Variants in NCKAP5 observed in about 807,000 individuals in gnomAD.
NCKAP5 encodes NCK associated protein 5.
A neutral mutation model predicts 167.0 loss-of-function variants in NCKAP5; 92 were observed. That is an observed-to-expected ratio of 0.55 (90% CI 0.47 to 0.66). The LOEUF (loss-of-function observed/expected upper bound fraction) is 0.66. NCKAP5 is among the 30% of genes least tolerant of loss of function. The pLI, the probability that NCKAP5 is intolerant of heterozygous loss-of-function variation, is 0.00. For missense variants in NCKAP5, 2,378 were observed against 2,315.0 expected, an observed-to-expected ratio of 1.03 and a Z score of -0.56; for synonymous variants, 891 against 877.4, an observed-to-expected ratio of 1.02 and a Z score of -0.27.
chr2:133,031,421 A>AG (rs1387342155), intron 6 of NCKAP5, among the ~76,000 whole-genome samples: 3 of 152,198 alleles, frequency 2.0e-5, no homozygotes, highest in African/African-American at 7.2e-5. Context: ...CCTCAGCCAG[A>AG]GGGGAATCAC....
At chr2:132,730,236 G>A (rs1468316122) in intron 17 of NCKAP5, among the ~76,000 whole-genome samples, 1 of 152,196 alleles carries the variant, frequency 6.6e-6, no homozygotes, top group Admixed American at 6.5e-5. Context: ...GCTCATGACT[G>A]TAATCCCAGC....
intron 5 of NCKAP5, among the ~76,000 whole-genome samples, chr2:133,183,482 T>C (rs2084818466): frequency 6.6e-6 from 1 of 152,012 alleles, no homozygotes; most frequent in Admixed American, 6.6e-5. Flanking sequence ...AAAATCAACA[T>C]CAATTGATGT....
At chr2:133,546,802 C>T (rs573566917) in intron 2 of NCKAP5, among the ~76,000 whole-genome samples, 1 of 152,196 alleles carries the variant, frequency 6.6e-6, no homozygotes, top group Non-Finnish European at 1.5e-5. Context: ...ATTCTGCTAA[C>T]CTGGAATGCT....
intron 5 of NCKAP5, among the ~76,000 whole-genome samples, chr2:133,177,802 C>T (rs896303652): frequency 1.3e-5 from 2 of 152,130 alleles, no homozygotes; most frequent in Non-Finnish European, 2.9e-5. Context: ...TAAGTGGAGA[C>T]CACCTGGGAA....
the NCKAP5 span, among the ~76,000 whole-genome samples, chr2:133,632,426 A>G: frequency 6.6e-6 from 1 of 152,122 alleles, no homozygotes; most frequent in Non-Finnish European, 1.5e-5. Context: ...ATGCAGGGGG[A>G]AAAAAAGACT....
chr2:133,353,330 A>G (rs1684490821), intron 3 of NCKAP5, among the ~76,000 whole-genome samples: 2 of 152,182 alleles, frequency 1.3e-5, no homozygotes, highest in South Asian at 4.1e-4. Flanking sequence ...AAGGTACCTT[A>G]GAGACCCTCT....
intron 5 of NCKAP5, among the ~76,000 whole-genome samples, chr2:133,176,859 C>A (rs1164257152): frequency 6.6e-6 from 1 of 152,164 alleles, no homozygotes. Context: ...TATTCAGACT[C>A]CACCCCACTT....
chr2:133,307,233 G>C (rs1680842651), intron 3 of NCKAP5, among the ~76,000 whole-genome samples: 1 of 152,084 alleles, frequency 6.6e-6, no homozygotes, highest in Admixed American at 6.6e-5. Context: ...AACTTAATCT[G>C]TAACTAAATT....
intron 6 of NCKAP5, among the ~76,000 whole-genome samples, chr2:133,046,223 C>A (rs1021761902): frequency 2.0e-5 from 3 of 152,296 alleles, no homozygotes; most frequent in Middle Eastern, 3.4e-3. Context: ...AGTCTTCATA[C>A]AACATGCACA....
chr2:132,878,360 A>AT (rs35028550), intron 9 of NCKAP5, among the ~76,000 whole-genome samples: 33 of 151,510 alleles, frequency 2.2e-4, no homozygotes, highest in African/African-American at 5.8e-4. Context: ...GAATCTACTG[A>AT]TTTTTTTCCC....
At chr2:132,818,176 G>A (rs1686430741) in intron 11 of NCKAP5, among the ~76,000 whole-genome samples, 1 of 152,154 alleles carries the variant, frequency 6.6e-6, no homozygotes, top group African/African-American at 2.4e-5. Flanking sequence ...TCCAACTACT[G>A]GGCTCAAGCT....
At chr2:132,959,918 G>T (rs1204970159) in intron 8 of NCKAP5, among the ~76,000 whole-genome samples, 1 of 152,184 alleles carries the variant, frequency 6.6e-6, no homozygotes, top group Non-Finnish European at 1.5e-5. Flanking sequence ...TACATAAAAT[G>T]TGCAAGTGGC....
chr2:133,358,371 G>A (rs1684878309), intron 3 of NCKAP5, among the ~76,000 whole-genome samples: 1 of 152,106 alleles, frequency 6.6e-6, no homozygotes, highest in Non-Finnish European at 1.5e-5. Flanking sequence ...TTGAGGGCAG[G>A]AGTTTGAGAA....
At chr2:133,001,057 C>T (rs2077759858) in intron 6 of NCKAP5, among the ~76,000 whole-genome samples, 1 of 151,992 alleles carries the variant, frequency 6.6e-6, no homozygotes, top group South Asian at 2.1e-4. Context: ...ATTTGGACTG[C>T]ACAGGTTATA....
At chr2:133,557,733 T>A (rs918897979) in intron 2 of NCKAP5, among the ~76,000 whole-genome samples, 8 of 152,234 alleles carry the variant, frequency 5.3e-5, no homozygotes, top group African/African-American at 1.9e-4. Context: ...TCAAGGGTGA[T>A]CCTTTAACAT....
chr2:133,363,321 A>G (rs913277280), intron 3 of NCKAP5, among the ~76,000 whole-genome samples: 2 of 151,880 alleles, frequency 1.3e-5, no homozygotes, highest in East Asian at 3.9e-4. Flanking sequence ...AGCCACACAC[A>G]ATTTTTTTTT....
intron 6 of NCKAP5, among the ~76,000 whole-genome samples, chr2:133,087,436 G>T (rs1427434700): frequency 6.6e-6 from 1 of 152,208 alleles, no homozygotes; most frequent in Non-Finnish European, 1.5e-5. Flanking sequence ...GAGCGAGATG[G>T]TGTATCAGTG....
chr2:132,745,037 G>GA (rs1010465726), intron 16 of NCKAP5, among the ~76,000 whole-genome samples: 1 of 151,648 alleles, frequency 6.6e-6, no homozygotes, highest in South Asian at 2.1e-4. Context: ...TTATAAGGAT[G>GA]AAAAAAATGA....
chr2:133,321,436 A>G (rs28415460), intron 3 of NCKAP5, among the ~76,000 whole-genome samples: 46,506 of 152,060 alleles, frequency 0.31, 7,599 homozygotes, highest in African/African-American at 0.42. Context: ...TTGTCTTTAC[A>G]CATAGGATCA....
Sources: gnomAD v4.1 joint callset for allele counts (sites outside exome capture counted in the v4.1 genomes callset) on GRCh38, gnomAD v4.1.1 for gene constraint, MANE v1.5 for transcripts, NCBI Gene and HGNC (gene_info 2026-07-23, HGNC 2026-07-21) for gene names.